The following MAP3K2 variants were observed in gnomAD, a reference collection of about 807,000 sequenced individuals.
MAP3K2 encodes the protein mitogen-activated protein kinase kinase kinase 2, also known as MAP/ERK kinase kinase 2.
In MAP3K2, 24 loss-of-function variants were observed where a neutral mutation model predicts 80.3. The ratio of observed to expected loss-of-function variants is 0.30; its 90% CI spans 0.22 to 0.42. The LOEUF is 0.42. MAP3K2 is among the 10% of genes least tolerant of loss of function. MAP3K2 has a pLI of 1.00. For synonymous variants in MAP3K2, 244 were observed against 253.7 expected, an observed-to-expected ratio of 0.96 and a Z score of 0.36; for missense variants, 608 against 750.1, an observed-to-expected ratio of 0.81 and a Z score of 2.21.
intron 1 of MAP3K2, among the ~76,000 whole-genome samples, chr2:127,377,808 T>C (rs559684871): frequency 6.6e-6 from 1 of 152,216 alleles, no homozygotes; most frequent in South Asian, 2.1e-4. Context: ...AATGGGAGGC[T>C]AGGCTGAGAT....
rs374904261 is a variant in MAP3K2 at position 127,324,007 on chromosome 2, A to G, written c.746-13T>C. On this transcript the variant is annotated splice_polypyrimidine_tract_variant and intron_variant, in intron 10 of 16. Transcript: ENST00000682094. Reference sequence around the variant, plus strand: ...GGGTTATCATAGTCTGTTAAGACATATAAGATGGTTATCTTTTATTTAAAA... The same window carrying G: ...GGGTTATCATAGTCTGTTAAGACATGTAAGATGGTTATCTTTTATTTAAAA... 6.3e-6 allele frequency: 8 copies of G among 1,266,052 alleles called. No individual in the cohort carries two copies. Among genetic ancestry groups the G allele is most frequent in the Admixed American group, 4.8e-5 (2 of 41,358 alleles). 78.4% of individuals were successfully genotyped at this position (1,266,052 alleles called of 1,614,324 possible).
At chr2:127,370,385 T>C (rs183602338) in intron 1 of MAP3K2, among the ~76,000 whole-genome samples, 1 of 152,134 alleles carries the variant, frequency 6.6e-6, no homozygotes, top group East Asian at 1.9e-4. Flanking sequence ...TAGAGCCCTG[T>C]GTGAGGAATG....
chr2:127,316,306 G>GA (rs1175242351), intron 14 of MAP3K2, among the ~76,000 whole-genome samples: 1 of 152,166 alleles, frequency 6.6e-6, no homozygotes, highest in East Asian at 1.9e-4. Context: ...CCCAGGAGAC[G>GA]GAGGTTGCAG....
rs58705764 is a variant in MAP3K2, at chr2:127,306,847, C to CGT, written c.*730_*731dup. ...ACTTGACTTTAAAATAAAGGTTTTC[C>CGT]GTGTGTGTGTGTGTGTGTGTGTGTG... On this transcript the variant is annotated 3_prime_UTR_variant, in exon 17 of 17. Transcript: ENST00000682094. This position sits in a 1 kb window ranked among gnomAD's most constrained non-coding sequence, Gnocchi z 4.7. The CGT allele has an allele frequency of 0.014, 2,041 of 150,546 alleles. 38 individuals carry two copies. Among genetic ancestry groups the CGT allele is most frequent in the African/African-American group, 0.039 (1,605 of 40,888 alleles). The allele number at this position is 150,546 out of a possible 1,614,324, so 9.3% of individuals were successfully genotyped here.
intron 1 of MAP3K2, among the ~76,000 whole-genome samples, chr2:127,362,490 AC>A (rs1686908673): frequency 6.6e-6 from 1 of 152,226 alleles, no homozygotes; most frequent in Non-Finnish European, 1.5e-5. Context: ...TTAAATGTTT[AC>A]AAATGTTTAC....
At chr2:127,330,331 T>C (rs1004421118) in intron 6 of MAP3K2, 61 bp downstream of exon 6, 4 of 739,422 alleles carry the variant, frequency 5.4e-6, no homozygotes, top group Middle Eastern at 2.5e-4. Context: ...ATGTTTCATA[T>C]GTTAACTTTT....
At chr2:127,383,627 G>A (rs192146465) in intron 1 of MAP3K2, among the ~76,000 whole-genome samples, 71 of 152,118 alleles carry the variant, frequency 4.7e-4, no homozygotes, top group African/African-American at 1.6e-3. Context: ...CAGGGAATAG[G>A]GTATTTTGAC....
chr2:127,349,417 C>T (rs1472549024), intron 1 of MAP3K2, among the ~76,000 whole-genome samples: 6 of 152,060 alleles, frequency 3.9e-5, no homozygotes, highest in Non-Finnish European at 8.8e-5. Flanking sequence ...CCTCCTGCCT[C>T]GGCCTCTCAA....
At chr2:127,376,798 G>C (rs192627091) in intron 1 of MAP3K2, among the ~76,000 whole-genome samples, 54 of 152,256 alleles carry the variant, frequency 3.5e-4, no homozygotes, top group African/African-American at 1.2e-3. Context: ...GTGCATGGTG[G>C]CTCACACCTA....
intron 1 of MAP3K2, among the ~76,000 whole-genome samples, chr2:127,354,899 T>C (rs905161683): frequency 6.6e-6 from 1 of 151,878 alleles, no homozygotes; most frequent in Non-Finnish European, 1.5e-5. Context: ...TAAATGAAAT[T>C]TTTACAGATA....
chr2:127,325,646 C>T (rs1686119202), intron 9 of MAP3K2, 82 bp downstream of exon 9: 3 of 1,090,940 alleles, frequency 2.7e-6, no homozygotes, highest in Admixed American at 3.6e-5. Flanking sequence ...CGCATTCACG[C>T]CACTGCGCTC....
chr2:127,349,777 CA>C (rs1398973951), intron 1 of MAP3K2, among the ~76,000 whole-genome samples: 3 of 152,112 alleles, frequency 2.0e-5, no homozygotes, highest in Non-Finnish European at 2.9e-5. Flanking sequence ...TCCTACCATA[CA>C]TATGCACATA....
In MAP3K2 at chr2:127,364,229, C is replaced by T. The variant is rs1686934505; in HGVS notation, c.-65-21035G>A. On this transcript the variant is annotated intron_variant, in intron 1 of 16. Transcript: ENST00000682094. This position sits in a 1 kb window ranked among gnomAD's most constrained non-coding sequence, Gnocchi z 4.1. ...TTTAGTAAATCTTACTACTAATTTG[C>T]ATCTCAAAACAATTTACCCAGGAAA... Among the ~76,000 whole-genome samples, 1 of 152,086 alleles carries T rather than the reference C, an allele frequency of 6.6e-6. No homozygotes were observed. Among genetic ancestry groups the T allele is most frequent in the South Asian group, 2.1e-4 (1 of 4,828 alleles).
chr2:127,325,431 C>A (rs373299949), intron 9 of MAP3K2, among the ~76,000 whole-genome samples: 1 of 152,140 alleles, frequency 6.6e-6, no homozygotes, highest in Non-Finnish European at 1.5e-5. Context: ...GTAATCCCAG[C>A]GCTTTAGGAG....
rs1358918345 is a variant in MAP3K2 at position 127,303,245 on chromosome 2, G to A, written c.*4334C>T. The stretch of plus-strand genomic sequence containing the variant: ...TAGTATAAATAACACTGTTGACAGA[G>A]TTCAATTTCTATCAAATGTTTTGGG... On this transcript the variant is annotated 3_prime_UTR_variant, in exon 17 of 17. Coordinates refer to ENST00000682094, the MANE Select transcript of MAP3K2 (RefSeq NM_001371910.2). 1 of 151,186 alleles carries A rather than the reference G, an allele frequency of 6.6e-6. No individual in the cohort carries two copies. The highest frequency in any genetic ancestry group is 6.6e-5 in the Admixed American group (1 of 15,122). 9.4% of individuals were successfully genotyped at this position (151,186 alleles called of 1,614,324 possible).
chr2:127,318,296 C>T lies in MAP3K2; in HGVS notation c.1067G>A (p.Trp356Ter). ...TTGGCCAAGCAGTTTGCCCAATCTC[C>T]AGTTGGTCGGAGCTCGAGGTGCTGA... ...PSRSPRAPTN[W>*]RLGKLLGQGA... The change falls in exon 13 of 17, where the codon TGG becomes TAG. Residue 356 changes from tryptophan to a stop codon, truncating the protein, a stop_gained. Transcript: ENST00000682094. LOFTEE classifies it high-confidence loss of function. 1 of 1,600,422 alleles carries T rather than the reference C, an allele frequency of 6.2e-7. No homozygotes were observed. The highest frequency in any genetic ancestry group is 8.5e-7 in the Non-Finnish European group (1 of 1,175,014).
At chr2:127,324,768 T>C (rs1686096462) in intron 9 of MAP3K2, among the ~76,000 whole-genome samples, 1 of 152,148 alleles carries the variant, frequency 6.6e-6, no homozygotes, top group Non-Finnish European at 1.5e-5. Context: ...TCCCACGCAA[T>C]ATTAGTTATT....
chr2:127,324,256 C>G lies in MAP3K2; in HGVS notation c.678-15G>C, dbSNP rs1433246888. The G allele has an allele frequency of 1.4e-6, 2 of 1,474,244 alleles. No individual in the cohort carries two copies. Among genetic ancestry groups the G allele is most frequent in the Non-Finnish European group, 1.8e-6 (2 of 1,088,206 alleles). 91.3% of individuals were successfully genotyped at this position (1,474,244 alleles called of 1,614,324 possible). On this transcript the variant is annotated splice_polypyrimidine_tract_variant and intron_variant, in intron 9 of 16. Coordinates refer to ENST00000682094, the MANE Select transcript of MAP3K2 (RefSeq NM_001371910.2). ...GATAGCTCTCTCTATAAAGAAAAAA[C>G]ATCACATTAAGTTTACAGAAAGAAC...
intron 15 of MAP3K2, among the ~76,000 whole-genome samples, chr2:127,311,908 T>C (rs1408845269): frequency 6.6e-6 from 1 of 152,232 alleles, no homozygotes; most frequent in Non-Finnish European, 1.5e-5. Flanking sequence ...CTTTGCAACT[T>C]ATGAAGAAAC....
Sources: allele counts gnomAD v4.1 joint callset (sites outside exome capture counted in the v4.1 genomes callset), GRCh38; gene constraint gnomAD v4.1.1; non-coding constraint Gnocchi (gnomAD v3.1); transcripts MANE v1.5; gene names NCBI Gene and HGNC (gene_info 2026-07-23, HGNC 2026-07-21).